The following PCDHGA2 variants were observed in gnomAD, a reference collection of about 807,000 sequenced individuals.
PCDHGA2 encodes protocadherin gamma-A2.
In PCDHGA2, 40 loss-of-function variants were observed where a neutral mutation model predicts 59.2. The observed-to-expected ratio is 0.68, with a 90% CI of 0.52 to 0.88. The LOEUF is 0.88. PCDHGA2 is among the 40% of genes least tolerant of loss of function. PCDHGA2 has a pLI of 0.00. For synonymous variants in PCDHGA2, 560 were observed against 526.0 expected (o/e 1.06, Z -0.89); for missense variants, 1,226 against 1,204.0 (o/e 1.02, Z -0.27).
Position 141,475,871 on chromosome 5 carries a change from A to C in PCDHGA2, c.2425-18936A>C, listed in dbSNP as rs568810142. 35 of 513,270 alleles carry C rather than the reference A, an allele frequency of 6.8e-5. No individual in the cohort carries two copies. The East Asian group carries it at 1.1e-3, about 16-fold the overall frequency. The allele number at this position is 513,270 out of a possible 1,614,324, so 31.8% of individuals were successfully genotyped here. The stretch of plus-strand genomic sequence containing the variant: ...CCCGGCGCTAGCTCATTCTTCGTGC[A>C]GTTATTGGCTGGGACTCTGTGTGCC... On this transcript the variant is annotated intron_variant, in intron 1 of 3. Transcript: ENST00000394576.
At chr5:141,352,378 G>T in intron 1 of PCDHGA2, 7 of 1,614,008 alleles carry the variant, frequency 4.3e-6, no homozygotes, top group Non-Finnish European at 4.2e-6. Flanking sequence ...TGATTCTAGC[G>T]ATCGCCCTGC....
At position 141,410,538 on chromosome 5, in the gene PCDHGA2, T is replaced by C. The variant is rs373020361; in HGVS notation, c.2424+69143T>C. The C allele has an allele frequency of 5.6e-6, 9 of 1,613,830 alleles. No homozygotes were observed. The South Asian group carries it at 7.7e-5, about 14-fold the overall frequency. On this transcript the variant is annotated intron_variant, in intron 1 of 3. Transcript: ENST00000394576. ...GTGCCCCTACATTCCAATGAAGACA[T>C]GGTTTGCAGTGTTTCTCCTGGAGCC...
At chr5:141,439,737 A>T (rs947754447) in intron 1 of PCDHGA2, 4 of 152,382 alleles carry the variant, frequency 2.6e-5, no homozygotes, top group Non-Finnish European at 5.9e-5. Flanking sequence ...CAGGAACGGA[A>T]CGGATTTACA....
At chr5:141,350,263 G>A (rs751867233) in intron 1 of PCDHGA2, 3 of 1,510,376 alleles carry the variant, frequency 2.0e-6, no homozygotes, top group African/African-American at 2.8e-5. Flanking sequence ...TTCCTGAAAT[G>A]CAGAGAGCCA....
At chr5:141,414,890 C>T in intron 1 of PCDHGA2, 5 of 1,614,232 alleles carry the variant, frequency 3.1e-6, no homozygotes, top group Non-Finnish European at 4.2e-6. Context: ...CCCGCCCTCC[C>T]CACAGACGGT....
chr5:141,427,556 C>A (rs1022143090), intron 1 of PCDHGA2: 7 of 649,144 alleles, frequency 1.1e-5, no homozygotes, highest in African/African-American at 1.1e-4. Flanking sequence ...CTGCCACTGA[C>A]AAGGGCAAGC....
intron 1 of PCDHGA2, chr5:141,441,104 T>C (rs1158565054): frequency 6.6e-6 from 1 of 152,204 alleles, no homozygotes; most frequent in Non-Finnish European, 1.5e-5. Flanking sequence ...GAGGGACTCA[T>C]TGTCCAGTGT....
intron 2 of PCDHGA2, among the ~76,000 whole-genome samples, chr5:141,496,392 C>T (rs6879760): frequency 0.064 from 9,762 of 152,240 alleles, 510 homozygotes; most frequent in African/African-American, 0.15. Context: ...CCTTACCCTA[C>T]CTCCTCAATG....
At chr5:141,347,654 G>A (rs1757996271) in intron 1 of PCDHGA2, among the ~76,000 whole-genome samples, 1 of 152,050 alleles carries the variant, frequency 6.6e-6, no homozygotes. Flanking sequence ...GGGCATGGTG[G>A]TGGGCGCCTG....
In PCDHGA2 at chr5:141,432,002, G is replaced by T; in HGVS notation, c.2425-62805G>T. The T allele has an allele frequency of 6.2e-7, 1 of 1,614,186 alleles. No homozygotes were observed. The highest frequency in any genetic ancestry group is 1.1e-5 in the South Asian group (1 of 91,090). ...AGACATAGTCTTGGATAGGGAACAGGTTCCTAGCTACAACATCACAGTGAC... is the reference window on the plus strand; with the variant it reads ...AGACATAGTCTTGGATAGGGAACAGTTTCCTAGCTACAACATCACAGTGAC... On this transcript the variant is annotated intron_variant, in intron 1 of 3. Coordinates refer to ENST00000394576, the MANE Select transcript of PCDHGA2 (RefSeq NM_018915.4). The surrounding 1 kb of genome is among the most constrained non-coding windows in gnomAD (Gnocchi z 6.0).
chr5:141,491,895 A>C lies in PCDHGA2; in HGVS notation c.2425-2912A>C. 1.4e-6 allele frequency: 2 copies of C among 1,434,306 alleles called. No individual in the cohort carries two copies. The highest frequency in any genetic ancestry group is 1.8e-6 in the Non-Finnish European group (2 of 1,084,904). 88.8% of individuals were successfully genotyped at this position (1,434,306 alleles called of 1,614,324 possible). Reference sequence around the variant, plus strand: ...CCGATTAAGGGATGGGGCTCCGAGCACCGGGGGTGGTGGCGACTGTGGGCG... The same window carrying C: ...CCGATTAAGGGATGGGGCTCCGAGCCCCGGGGGTGGTGGCGACTGTGGGCG... On this transcript the variant is annotated intron_variant, in intron 1 of 3. Transcript: ENST00000394576. The surrounding 1 kb of genome is among the most constrained non-coding windows in gnomAD (Gnocchi z 6.9).
chr5:141,420,079 C>A, intron 1 of PCDHGA2: 1 of 1,613,998 alleles, frequency 6.2e-7, no homozygotes, highest in Non-Finnish European at 8.5e-7. Flanking sequence ...CTGTGGGTCC[C>A]CCCAACTACA....
intron 1 of PCDHGA2, among the ~76,000 whole-genome samples, chr5:141,452,300 T>C (rs886540131): frequency 2.0e-5 from 3 of 152,194 alleles, no homozygotes; most frequent in African/African-American, 7.2e-5. Flanking sequence ...TAAGAAAATA[T>C]TAGAGACTCA....
intron 1 of PCDHGA2, chr5:141,383,671 G>T: frequency 6.2e-7 from 1 of 1,613,998 alleles, no homozygotes; most frequent in Non-Finnish European, 8.5e-7. Flanking sequence ...TGTGCCAGTG[G>T]GTACAAGACT....
chr5:141,365,656 AGCAGAC>A (rs528991261), intron 1 of PCDHGA2: 1 of 1,613,518 alleles, frequency 6.2e-7, no homozygotes, highest in Non-Finnish European at 8.5e-7. Context: ...CCTTGAAAGT[AGCAGAC>A]GTTAATGACA....
rs764457879 is a variant in PCDHGA2 at position 141,356,426 on chromosome 5, C to T, written c.2424+15031C>T. The T allele has an allele frequency of 7.5e-6, 12 of 1,607,618 alleles. No individual in the cohort carries two copies. The African/African-American group carries it at 1.6e-4, about 21-fold the overall frequency. On this transcript the variant is annotated intron_variant, in intron 1 of 3. Coordinates refer to ENST00000394576, the MANE Select transcript of PCDHGA2 (RefSeq NM_018915.4). ...TATTATCGGTTGTTGACACACAGAA[C>T]ACTGGACAGGGAAGAAGTCTCAGAA...
At chr5:141,427,153 T>C (rs2096993361) in intron 1 of PCDHGA2, 1 of 456,886 alleles carries the variant, frequency 2.2e-6, no homozygotes, top group Non-Finnish European at 4.4e-6. Context: ...GGAAATATGT[T>C]TGTGCTAGAC....
chr5:141,415,197 A>G, intron 1 of PCDHGA2: 1 of 1,614,016 alleles, frequency 6.2e-7, no homozygotes, highest in African/African-American at 1.3e-5. Context: ...GCATCCCCCA[A>G]GTCCTGGCGG....
intron 1 of PCDHGA2, chr5:141,346,250 CTT>C (rs1757721860): frequency 6.2e-7 from 1 of 1,614,216 alleles, no homozygotes. Context: ...CCGGCTCGCA[CTT>C]TGTGGGCGCG....
Sources: allele counts gnomAD v4.1 joint callset (sites outside exome capture counted in the v4.1 genomes callset), GRCh38; gene constraint gnomAD v4.1.1; non-coding constraint Gnocchi (gnomAD v3.1); transcripts MANE v1.5; gene names NCBI Gene and HGNC (gene_info 2026-07-23, HGNC 2026-07-21).